AGBL4: variants seen among roughly 807,000 people sequenced by gnomAD.
The protein encoded by AGBL4 is AGBL carboxypeptidase 4.
In AGBL4, 58 loss-of-function variants were observed where a neutral mutation model predicts 66.4. The ratio of observed to expected loss-of-function variants is 0.87; its 90% CI spans 0.71 to 1.09. The LOEUF is 1.09. AGBL4 is among the 50% of genes least tolerant of loss of function. The pLI, the probability that AGBL4 is intolerant of heterozygous loss-of-function variation, is 0.00. For missense variants in AGBL4, 579 were observed against 631.0 expected (o/e 0.92, Z 0.88); for synonymous variants, 234 against 222.9 (o/e 1.05, Z -0.44).
At chr1:48,888,924 G>A (rs925386512) in intron 5 of AGBL4, among the ~76,000 whole-genome samples, 7 of 152,064 alleles carry the variant, frequency 4.6e-5, no homozygotes, top group South Asian at 2.1e-4. Flanking sequence ...TTGTTTGGTC[G>A]CCTTTCTTTT....
chr1:48,980,755 A>ATATATATATATATATG (rs1659700017), intron 5 of AGBL4, among the ~76,000 whole-genome samples: 1 of 45,372 alleles, frequency 2.2e-5, no homozygotes, highest in African/African-American at 9.7e-5. Context: ...ATATATATAT[A>ATATATATATATATATG]TATATATATA....
chr1:49,919,358 C>T (rs981954087), intron 1 of AGBL4, among the ~76,000 whole-genome samples: 1 of 152,172 alleles, frequency 6.6e-6, no homozygotes, highest in Non-Finnish European at 1.5e-5. Flanking sequence ...CCCAAAATCT[C>T]CTTAAGCTGA....
At chr1:49,819,046 A>G (rs767762828) in intron 2 of AGBL4, among the ~76,000 whole-genome samples, 25 of 152,138 alleles carry the variant, frequency 1.6e-4, no homozygotes, top group Non-Finnish European at 2.5e-4. Flanking sequence ...TATTAGAAAA[A>G]TAGTGCCTAT....
chr1:48,961,106 T>TGTGTGTGTGCGC (rs935435997), intron 5 of AGBL4, among the ~76,000 whole-genome samples: 2 of 151,358 alleles, frequency 1.3e-5, no homozygotes. Context: ...TGTGTGTGTG[T>TGTGTGTGTGCGC]GCGTGTATGT....
intron 1 of AGBL4, among the ~76,000 whole-genome samples, chr1:49,936,382 G>A (rs1380533510): frequency 1.3e-5 from 2 of 152,146 alleles, no homozygotes; most frequent in East Asian, 3.9e-4. Context: ...TAAAGTGACG[G>A]GGAGAATGGA....
At chr1:49,915,075 TA>T (rs747352663) in intron 1 of AGBL4, among the ~76,000 whole-genome samples, 3 of 152,188 alleles carry the variant, frequency 2.0e-5, no homozygotes, top group Admixed American at 1.3e-4. Context: ...AGAGGCTACT[TA>T]GGACAATTTT....
At chr1:49,777,472 A>C (rs1186448522) in intron 2 of AGBL4, among the ~76,000 whole-genome samples, 1 of 152,202 alleles carries the variant, frequency 6.6e-6, no homozygotes, top group Non-Finnish European at 1.5e-5. Context: ...TTTTTACAGC[A>C]CTTCTTTTGC....
At chr1:49,478,614 A>G (rs192095253) in intron 3 of AGBL4, among the ~76,000 whole-genome samples, 1 of 152,174 alleles carries the variant, frequency 6.6e-6, no homozygotes, top group East Asian at 1.9e-4. Context: ...GTCAGAAAAA[A>G]AAGAATATTA....
chr1:49,862,457 G>T (rs970024892), intron 1 of AGBL4, among the ~76,000 whole-genome samples: 3 of 151,816 alleles, frequency 2.0e-5, no homozygotes, highest in African/African-American at 7.3e-5. Context: ...AGAAAGAAGC[G>T]GGGTTAGAAA....
chr1:48,529,735 T>C (rs930354086), downstream of AGBL4, among the ~76,000 whole-genome samples: 27 of 152,084 alleles, frequency 1.8e-4, no homozygotes, highest in Admixed American at 3.3e-4. Flanking sequence ...GAGGAAGTGA[T>C]AGGGAACCAG....
chr1:49,415,638 C>T (rs985868683), intron 3 of AGBL4, among the ~76,000 whole-genome samples: 4 of 151,962 alleles, frequency 2.6e-5, no homozygotes, highest in Non-Finnish European at 5.9e-5. Context: ...GAACTTTATC[C>T]TTAAAGCAAA....
intron 2 of AGBL4, among the ~76,000 whole-genome samples, chr1:49,714,032 C>T (rs1464185633): frequency 6.6e-6 from 1 of 151,936 alleles, no homozygotes; most frequent in African/African-American, 2.4e-5. Context: ...GCCAAATTAA[C>T]TTAATATATT....
At chr1:49,747,265 T>C (rs1028051900) in intron 2 of AGBL4, among the ~76,000 whole-genome samples, 1 of 152,180 alleles carries the variant, frequency 6.6e-6, no homozygotes, top group African/African-American at 2.4e-5. Flanking sequence ...GACTGTCCTT[T>C]GCTCATTGTT....
chr1:49,761,174 TTC>T (rs1404862220), intron 2 of AGBL4, among the ~76,000 whole-genome samples: 2 of 152,016 alleles, frequency 1.3e-5, no homozygotes, highest in African/African-American at 4.8e-5. Context: ...ATGGTTAATT[TTC>T]TGTTACTGAA....
intron 6 of AGBL4, among the ~76,000 whole-genome samples, chr1:48,756,407 C>T (rs1363368299): frequency 6.6e-6 from 1 of 152,132 alleles, no homozygotes; most frequent in East Asian, 1.9e-4. Context: ...GGATCTGTTC[C>T]CCTCATCAAA....
At chr1:48,993,292 G>A (rs960972557) in intron 5 of AGBL4, among the ~76,000 whole-genome samples, 1 of 152,070 alleles carries the variant, frequency 6.6e-6, no homozygotes, top group Non-Finnish European at 1.5e-5. Flanking sequence ...GGGCACTAAA[G>A]CCTGGAATGG....
At chr1:48,718,552 T>G (rs992154013) in intron 6 of AGBL4, among the ~76,000 whole-genome samples, 31 of 152,148 alleles carry the variant, frequency 2.0e-4, no homozygotes, top group African/African-American at 7.2e-4. Context: ...CAGGGCCAGG[T>G]GCTTCCCACT....
chr1:49,976,481 A>G (rs1414269708), intron 1 of AGBL4, among the ~76,000 whole-genome samples: 1 of 152,238 alleles, frequency 6.6e-6, no homozygotes, highest in Admixed American at 6.5e-5. Context: ...ACTAACTCTA[A>G]CAAGGAAAAT....
At position 48,637,110 on chromosome 1, in the gene AGBL4, A is replaced by T. The variant is rs548025232; in HGVS notation, c.840-2506T>A. 5.3e-5 allele frequency among the ~76,000 whole-genome samples: 8 copies of T among 152,358 alleles called. No individual in the cohort carries two copies. The South Asian group carries it at 1.5e-3, about 28-fold the overall frequency. ...ATTTATAATGCAGGACAATATTGTG[A>T]GTATTAAATGAGCTAATGCATAGGT... On this transcript the variant is annotated intron_variant, in intron 8 of 13. Coordinates refer to ENST00000371839, the MANE Select transcript of AGBL4 (RefSeq NM_032785.4).
Sources: gnomAD v4.1 joint callset for allele counts (sites outside exome capture counted in the v4.1 genomes callset) on GRCh38, gnomAD v4.1.1 for gene constraint, MANE v1.5 for transcripts, NCBI Gene and HGNC (gene_info 2026-07-23, HGNC 2026-07-21) for gene names.